The following PRELID3A variants were observed in gnomAD, a reference collection of about 807,000 sequenced individuals.
PRELID3A encodes the protein PRELI domain containing protein 3A.
PRELID3A carries 27 observed loss-of-function variants against 23.0 expected under a neutral mutation model. That is an observed-to-expected ratio of 1.17 (90% CI 0.87 to 1.62). PRELID3A has a LOEUF of 1.62. PRELID3A is among the 40% of genes most tolerant of loss of function. The probability of loss-of-function intolerance (pLI) is 0.00; values close to 1 mark genes in which losing one functional copy is unlikely to be tolerated. For missense variants in PRELID3A, 231 were observed against 231.4 expected, an observed-to-expected ratio of 1.00 and a Z score of 0.01; for synonymous variants, 87 against 86.4, an observed-to-expected ratio of 1.01 and a Z score of -0.04.
chr18:12,417,826 A>G (rs768869519), intron 1 of PRELID3A, among the ~76,000 whole-genome samples: 7 of 152,220 alleles, frequency 4.6e-5, no homozygotes, highest in Non-Finnish European at 7.3e-5. Flanking sequence ...AGGACCACCC[A>G]GTCTTGGCTT....
intron 1 of PRELID3A, among the ~76,000 whole-genome samples, chr18:12,415,973 C>T (rs1444532785): frequency 6.6e-6 from 1 of 152,206 alleles, no homozygotes; most frequent in African/African-American, 2.4e-5. Flanking sequence ...GAGGTCTCCA[C>T]GAACAGCAGC....
chr18:12,430,361 TGTGTGTGGTGTGTGTGTGTGTGCAGC>T (rs1446033478), intron 6 of PRELID3A, among the ~76,000 whole-genome samples: 18 of 143,342 alleles, frequency 1.3e-4, no homozygotes, highest in African/African-American at 4.8e-4. Context: ...TGTATATATG[TGTGTGTGGTGTGTGTGTGTGTGCAGC>T]GTGTATGGTG....
At position 12,420,357 on chromosome 18, in the gene PRELID3A, T is replaced by C; in HGVS notation, c.65T>C (p.Met22Thr). The change falls in exon 2 of 7, where the codon ATG becomes ACG. Residue 22 changes from methionine to threonine, a missense_variant. Met to Thr is a moderately conservative substitution (Grantham distance 81, BLOSUM62 -1). Transcript: ENST00000440960. ...HPWDTVIQAAMRKYPNPMNPS... is the reference protein window; with the variant it reads ...HPWDTVIQAATRKYPNPMNPS... ...TGGGACACGGTCATCCAGGCGGCCA[T>C]GCGCAAGTACCCGAACCCGATGAAC... 6.2e-7 allele frequency: 1 copy of C among 1,611,340 alleles called. No homozygotes were observed. Among genetic ancestry groups the C allele is most frequent in the African/African-American group, 1.3e-5 (1 of 75,010 alleles).
Position 12,407,931 on chromosome 18 carries a change from A to G in PRELID3A, c.-45A>G, listed in dbSNP as rs567172388. The G allele has an allele frequency of 5.2e-4, 662 of 1,278,252 alleles. 1 individual carries two copies. Among genetic ancestry groups the G allele is most frequent in the Non-Finnish European group, 5.8e-4 (586 of 1,015,708 alleles). 79.2% of individuals were successfully genotyped at this position (1,278,252 alleles called of 1,614,324 possible). On this transcript the variant is annotated 5_prime_UTR_variant, in exon 1 of 7. Coordinates refer to ENST00000440960, the MANE Select transcript of PRELID3A (RefSeq NM_001142405.2). ...CCGCGCCCGGAGCCGCGCGGCCCGA[A>G]GCACCCGGCCCGGATCGCAGAGCCC...
chr18:12,415,828 A>G (rs1437926666), intron 1 of PRELID3A, among the ~76,000 whole-genome samples: 1 of 152,134 alleles, frequency 6.6e-6, no homozygotes, highest in Non-Finnish European at 1.5e-5. Context: ...CCAGCTCAGA[A>G]ACCAGCTTCC....
rs11401878 is a variant in PRELID3A at position 12,425,130 on chromosome 18, G to GAA, written c.292-1901_292-1900dup. On this transcript the variant is annotated intron_variant, in intron 3 of 6. Transcript: ENST00000440960. ...TGCACTCAAGAGTGAAACTCCATCT[G>GAA]AAAAAAAAAAATTAAACTAATTAGG... Among the ~76,000 whole-genome samples the GAA allele has an allele frequency of 4.1e-4, 60 of 146,434 alleles. 1 individual carries two copies. Among genetic ancestry groups the GAA allele is most frequent in the Admixed American group, 1.9e-3 (28 of 14,768 alleles).
chr18:12,409,905 G>C (rs371553344), intron 1 of PRELID3A, among the ~76,000 whole-genome samples: 25 of 152,156 alleles, frequency 1.6e-4, no homozygotes, highest in Non-Finnish European at 3.5e-4. Context: ...AATTCATTAA[G>C]TTTTGCTAAG....
intron 3 of PRELID3A, chr18:12,422,173 T>A (rs1257305869): frequency 6.7e-6 from 1 of 149,036 alleles, no homozygotes; most frequent in Non-Finnish European, 1.5e-5. Flanking sequence ...AAACTCCTGG[T>A]CTCAAGTGAT....
chr18:12,408,735 G>C lies in PRELID3A; in HGVS notation c.32+728G>C, dbSNP rs544086036. The stretch of plus-strand genomic sequence containing the variant: ...CATGGATGTGGAGAGTGGAACGTCA[G>C]ATGATGGAGACTCTGAAGGGTGAGG... On this transcript the variant is annotated intron_variant, in intron 1 of 6. Coordinates refer to ENST00000440960, the MANE Select transcript of PRELID3A (RefSeq NM_001142405.2). Among the ~76,000 whole-genome samples the C allele has an allele frequency of 5.3e-5, 8 of 151,720 alleles. No homozygotes were observed. The South Asian group carries it at 1.7e-3, about 32-fold the overall frequency.
chr18:12,415,239 CT>C (rs879335275), intron 1 of PRELID3A, among the ~76,000 whole-genome samples: 609 of 142,944 alleles, frequency 4.3e-3, no homozygotes, highest in African/African-American at 6.6e-3. Context: ...CTGCCTACAT[CT>C]TTTTTTTTTT....
intron 2 of PRELID3A, 79 bp from the exon 3 acceptor site, chr18:12,421,461 G>C (rs1332355843): frequency 1.5e-5 from 13 of 881,822 alleles, no homozygotes; most frequent in Admixed American, 8.8e-5. Context: ...GAACTAATTA[G>C]TAAATGCAAT....
At chr18:12,419,098 C>G (rs1598858970) in intron 1 of PRELID3A, among the ~76,000 whole-genome samples, 1 of 151,876 alleles carries the variant, frequency 6.6e-6, no homozygotes, top group Non-Finnish European at 1.5e-5. Context: ...CTGAGGCAGG[C>G]GGATCACGAG....
chr18:12,429,493 G>C, intron 6 of PRELID3A, 57 bp downstream of exon 6: 1 of 1,181,638 alleles, frequency 8.5e-7, no homozygotes, highest in East Asian at 2.4e-5. Flanking sequence ...TGACCCGTGT[G>C]CATGGTGCAC....
In PRELID3A at chr18:12,421,619, G is replaced by T. The variant is rs779059356; in HGVS notation, c.281G>T (p.Cys94Phe). Residue 94 changes from cysteine (C) to phenylalanine (F), a missense_variant, in exon 3 of 7, where the codon TGT becomes TTT. Transcript: ENST00000440960. ...VDPVEKKMEL[C>F]STNITLTNLV... The stretch of plus-strand genomic sequence containing the variant: ...CCAGTGGAAAAGAAAATGGAACTTT[G>T]TTCTACCAATGTAAGCAATGGCCTC... The T allele has an allele frequency of 3.7e-6, 6 of 1,611,122 alleles. No homozygotes were observed. The Admixed American group carries it at 6.7e-5, about 18-fold the overall frequency.
chr18:12,421,018 C>A (rs554413014), intron 2 of PRELID3A, among the ~76,000 whole-genome samples: 1 of 152,200 alleles, frequency 6.6e-6, no homozygotes, highest in Admixed American at 6.5e-5. Context: ...TGGTTCAGCC[C>A]CCCGTGGCCT....
intron 1 of PRELID3A, among the ~76,000 whole-genome samples, chr18:12,417,042 C>A (rs1043100907): frequency 2.0e-5 from 3 of 152,120 alleles, no homozygotes; most frequent in African/African-American, 7.2e-5. Context: ...TTATGTTTAT[C>A]ATTTTCCTCC....
At chr18:12,422,234 T>C (rs1468125517) in intron 3 of PRELID3A, 4 of 145,700 alleles carry the variant, frequency 2.7e-5, no homozygotes, top group Non-Finnish European at 6.0e-5. Flanking sequence ...AGACAGTCTC[T>C]CTCTCTCACC....
At chr18:12,408,048 C>G in intron 1 of PRELID3A, 41 bp downstream of exon 1, 1 of 1,243,416 alleles carries the variant, frequency 8.0e-7, no homozygotes, top group African/African-American at 1.6e-5. Context: ...CGTCCAGACG[C>G]CGGCTCCTGC....
Position 12,421,551 on chromosome 18 carries a change from C to T in PRELID3A, c.213C>T (p.Thr71=). 1.9e-6 allele frequency: 3 copies of T among 1,612,444 alleles called. No homozygotes were observed. Among genetic ancestry groups the T allele is most frequent in the Non-Finnish European group, 2.5e-6 (3 of 1,178,594 alleles). Residue 71 remains threonine, a synonymous_variant, in exon 3 of 7, where the codon ACC becomes ACT. Coordinates refer to ENST00000440960, the MANE Select transcript of PRELID3A (RefSeq NM_001142405.2). ...GCTTTGTTTTCTAGATTTTGGGAAC[C>T]AGTAGGACATTGACATACATCCGAG... ...LPSLVRAILG[T]SRTLTYIREH...
Sources: gnomAD v4.1 joint callset for allele counts (sites outside exome capture counted in the v4.1 genomes callset) on GRCh38, gnomAD v4.1.1 for gene constraint, MANE v1.5 for transcripts, NCBI Gene and HGNC (gene_info 2026-07-23, HGNC 2026-07-21) for gene names.